Variants in PLA2G4A observed in about 807,000 individuals in gnomAD.
PLA2G4A encodes the protein cytosolic phospholipase A2.
In PLA2G4A, 40 loss-of-function variants were observed where a neutral mutation model predicts 81.9. The observed-to-expected ratio is 0.49, with a 90% CI of 0.38 to 0.64. PLA2G4A has a LOEUF of 0.64. Among genes scored for constraint, PLA2G4A ranks in the 30% least tolerant of loss-of-function variants. PLA2G4A has a pLI of 0.00. For missense variants in PLA2G4A, 715 were observed against 905.1 expected (o/e 0.79, Z 2.69); for synonymous variants, 302 against 296.9 (o/e 1.02, Z -0.18).
intron 10 of PLA2G4A, among the ~76,000 whole-genome samples, chr1:186,942,523 A>G (rs1346192534): frequency 1.3e-5 from 2 of 152,194 alleles, no homozygotes; most frequent in African/African-American, 4.8e-5. Flanking sequence ...AGAGCTATTA[A>G]GGCAATAATA....
intron 3 of PLA2G4A, 70 bp from the exon 4 acceptor site, chr1:186,892,941 T>C (rs1654198164): frequency 9.3e-7 from 1 of 1,077,060 alleles, no homozygotes; most frequent in East Asian, 2.4e-5. Flanking sequence ...TGACAACATA[T>C]ATTAATAAAA....
At chr1:186,926,257 G>A (rs923261024) in intron 7 of PLA2G4A, among the ~76,000 whole-genome samples, 3 of 152,146 alleles carry the variant, frequency 2.0e-5, no homozygotes, top group African/African-American at 7.2e-5. Flanking sequence ...ATGTTCATAC[G>A]AATGACAGTA....
intron 15 of PLA2G4A, among the ~76,000 whole-genome samples, chr1:186,965,804 C>A (rs1045988078): frequency 2.6e-5 from 4 of 152,154 alleles, no homozygotes; most frequent in Admixed American, 1.3e-4. Context: ...AAGGTCAGAG[C>A]CCTGAGCAGG....
chr1:186,935,587 G>C (rs1655917947), intron 8 of PLA2G4A, among the ~76,000 whole-genome samples: 1 of 151,840 alleles, frequency 6.6e-6, no homozygotes, highest in Admixed American at 6.6e-5. Flanking sequence ...ACACAAGATT[G>C]AAAGCACAGG....
chr1:186,921,272 C>T (rs1655341393), intron 7 of PLA2G4A, among the ~76,000 whole-genome samples: 3 of 152,164 alleles, frequency 2.0e-5, no homozygotes, highest in African/African-American at 4.8e-5. Context: ...TTAGTTGCCA[C>T]CTGGAGCACC....
intron 14 of PLA2G4A, among the ~76,000 whole-genome samples, chr1:186,961,111 T>C (rs555428269): frequency 1.4e-4 from 22 of 152,268 alleles, no homozygotes; most frequent in Admixed American, 6.5e-4. Flanking sequence ...CTCACTGTTA[T>C]GTGCAATCTA....
chr1:186,968,052 G>T (rs1205897814), intron 15 of PLA2G4A, among the ~76,000 whole-genome samples: 1 of 152,034 alleles, frequency 6.6e-6, no homozygotes, highest in Non-Finnish European at 1.5e-5. Flanking sequence ...CAATGGGGAG[G>T]TGGGTTTCAG....
intron 7 of PLA2G4A, among the ~76,000 whole-genome samples, chr1:186,915,600 T>C (rs768608761): frequency 5.3e-5 from 8 of 152,154 alleles, no homozygotes; most frequent in Admixed American, 2.0e-4. Context: ...GATGGTTTAA[T>C]AGTTTCAATA....
chr1:186,892,808 G>A (rs896756210), intron 3 of PLA2G4A, among the ~76,000 whole-genome samples: 1 of 152,124 alleles, frequency 6.6e-6, no homozygotes, highest in Non-Finnish European at 1.5e-5. Context: ...CCCTCTCACA[G>A]GACTATTATG....
intron 10 of PLA2G4A, among the ~76,000 whole-genome samples, chr1:186,940,506 GC>G (rs1339118184): frequency 6.6e-6 from 1 of 152,148 alleles, no homozygotes; most frequent in East Asian, 1.9e-4. Context: ...TTGGTTCCAG[GC>G]CCCCCTGTGG....
chr1:186,943,531 A>G (rs1210913900), intron 10 of PLA2G4A, among the ~76,000 whole-genome samples: 4 of 152,180 alleles, frequency 2.6e-5, no homozygotes, highest in Non-Finnish European at 5.9e-5. Context: ...TAGACCTGAC[A>G]TAAGTGTGTA....
chr1:186,862,132 C>A (rs1449092354), intron 2 of PLA2G4A, among the ~76,000 whole-genome samples: 3 of 150,338 alleles, frequency 2.0e-5, no homozygotes, highest in Non-Finnish European at 4.4e-5. Flanking sequence ...TTCTGATTGC[C>A]TTTTTATATA....
intron 13 of PLA2G4A, among the ~76,000 whole-genome samples, chr1:186,953,438 G>A (rs1374736323): frequency 1.4e-4 from 22 of 152,132 alleles, no homozygotes; most frequent in Non-Finnish European, 4.4e-5. Context: ...TGAATTTAAA[G>A]TGTTCTTTGT....
At chr1:186,949,452 A>G (rs1435750094) in intron 12 of PLA2G4A, among the ~76,000 whole-genome samples, 5 of 152,064 alleles carry the variant, frequency 3.3e-5, no homozygotes, top group Non-Finnish European at 5.9e-5. Flanking sequence ...TTAAGGAAGG[A>G]AAAGAAAATA....
At chr1:186,910,766 A>G (rs1340816159) in intron 6 of PLA2G4A, among the ~76,000 whole-genome samples, 1 of 152,314 alleles carries the variant, frequency 6.6e-6, no homozygotes, top group Non-Finnish European at 1.5e-5. Flanking sequence ...GGGGGCATCC[A>G]TTAGACAAGG....
chr1:186,883,786 A>T (rs1356558963), intron 3 of PLA2G4A, among the ~76,000 whole-genome samples: 2 of 152,154 alleles, frequency 1.3e-5, no homozygotes, highest in Non-Finnish European at 2.9e-5. Context: ...GAAAAAGCTC[A>T]CTGAATTTGG....
chr1:186,854,422 A>T lies in PLA2G4A; in HGVS notation c.33+35A>T, dbSNP rs113989223. On this transcript the variant is annotated intron_variant, in intron 2 of 17. Coordinates refer to ENST00000367466, the MANE Select transcript of PLA2G4A (RefSeq NM_024420.3). ...TCACTGTTTATGAATTCTTTCTTGG[A>T]GGGGGTCTGATATGTTTCTGTGAAT... 1.1e-5 allele frequency: 15 copies of T among 1,361,662 alleles called. No homozygotes were observed. The African/African-American group carries it at 1.1e-4, about 10-fold the overall frequency. The allele number at this position is 1,361,662 out of a possible 1,614,324, so 84.3% of individuals were successfully genotyped here.
chr1:186,908,292 A>T (rs962838766), intron 6 of PLA2G4A, among the ~76,000 whole-genome samples: 4 of 152,046 alleles, frequency 2.6e-5, no homozygotes, highest in African/African-American at 7.2e-5. Flanking sequence ...GATATCCTTA[A>T]AACATCTAGG....
chr1:186,845,094 A>G (rs1482254344), intron 1 of PLA2G4A, among the ~76,000 whole-genome samples: 2 of 152,066 alleles, frequency 1.3e-5, no homozygotes, highest in Non-Finnish European at 2.9e-5. Context: ...CCTGTAGTCC[A>G]TGCTAGTCGG....
Sources: gnomAD v4.1 joint callset for allele counts (sites outside exome capture counted in the v4.1 genomes callset) on GRCh38, gnomAD v4.1.1 for gene constraint, MANE v1.5 for transcripts, NCBI Gene and HGNC (gene_info 2026-07-23, HGNC 2026-07-21) for gene names.